PIEZO2: variants seen among roughly 807,000 people sequenced by gnomAD.
PIEZO2 encodes the protein piezo type mechanosensitive ion channel component 2, also known as piezo-type mechanosensitive ion channel component 2.
In PIEZO2, 172 loss-of-function variants were observed where a neutral mutation model predicts 337.3. The ratio of observed to expected loss-of-function variants is 0.51; its 90% CI spans 0.45 to 0.58. The LOEUF (loss-of-function observed/expected upper bound fraction) is 0.58. Among genes scored for constraint, PIEZO2 ranks in the 20% least tolerant of loss-of-function variants. The probability of loss-of-function intolerance (pLI) is 0.00; values close to 1 mark genes in which losing one functional copy is unlikely to be tolerated. For synonymous variants in PIEZO2, 1,251 were observed against 1,228.5 expected, an observed-to-expected ratio of 1.02 and a Z score of -0.38; for missense variants, 3,028 against 3,391.3, an observed-to-expected ratio of 0.89 and a Z score of 2.66.
chr18:11,099,164 G>A lies in PIEZO2; in HGVS notation c.65-32942C>T, dbSNP rs1256298936. On this transcript the variant is annotated intron_variant, in intron 1 of 55. Transcript: ENST00000674853. This position sits in a 1 kb window ranked among gnomAD's most constrained non-coding sequence, Gnocchi z 5.4. ...GAATTATTTAACCAATTCCCTGACTGGACTGACATTTCACTATTTTTTACA... is the reference window on the plus strand; with the variant it reads ...GAATTATTTAACCAATTCCCTGACTAGACTGACATTTCACTATTTTTTACA... Among the ~76,000 whole-genome samples, 4 of 152,016 alleles carry A rather than the reference G, an allele frequency of 2.6e-5. No individual in the cohort carries two copies. Among genetic ancestry groups the A allele is most frequent in the Admixed American group, 6.6e-5 (1 of 15,250 alleles).
intron 2 of PIEZO2, among the ~76,000 whole-genome samples, chr18:11,043,745 T>C (rs1449046214): frequency 6.6e-6 from 1 of 152,086 alleles, no homozygotes; most frequent in Non-Finnish European, 1.5e-5. Flanking sequence ...CCCAGGCTCA[T>C]TGCAACCTCC....
rs1298666958 is a variant in PIEZO2, at chr18:10,705,616, C to T, written c.5719G>A (p.Ala1907Thr). The T allele has an allele frequency of 1.3e-6, 2 of 1,537,186 alleles. No homozygotes were observed. Among genetic ancestry groups the T allele is most frequent in the Non-Finnish European group, 8.7e-7 (1 of 1,146,892 alleles). ...ATGGCTCCCACATCGTACCCAGTGGCCTCGTACTCCTTGGCCTCCCTGGGC... is the reference window on the plus strand; with the variant it reads ...ATGGCTCCCACATCGTACCCAGTGGTCTCGTACTCCTTGGCCTCCCTGGGC... ...PEPREAKEYE[A>T]TGYDVGAMGA... Residue 1907 changes from alanine (A) to threonine (T), a missense_variant, in exon 41 of 56, where the codon GCC (alanine) becomes ACC (threonine). Coordinates refer to ENST00000674853, the MANE Select transcript of PIEZO2 (RefSeq NM_001378183.1).
At position 10,682,276 on chromosome 18, in the gene PIEZO2, C is replaced by T. The variant is rs1465863747; in HGVS notation, c.7514G>A (p.Arg2505Gln). The T allele has an allele frequency of 1.2e-5, 19 of 1,536,104 alleles. No individual in the cohort carries two copies. The highest frequency in any genetic ancestry group is 4.9e-5 in the East Asian group (2 of 40,936). Residue 2505 changes from arginine (R) to glutamine (Q), a missense_variant, in exon 50 of 56, where the codon CGG (arginine) becomes CAG (glutamine). Physicochemically the swap from Arg to Gln is conservative, Grantham distance 43. Transcript: ENST00000674853. The surrounding 1 kb of genome is among the most constrained non-coding windows in gnomAD (Gnocchi z 5.6). ...RESEKRYPQP[R>Q]GQKKKKVVKY... ...CACCACTTTCTTCTTCTTCTGGCCC[C>T]GTGGCTGAGGGTATCTCTGCAACAG... is the stretch of plus-strand genomic sequence containing the variant.
chr18:10,823,982 T>C, intron 7 of PIEZO2, among the ~76,000 whole-genome samples: 1 of 152,214 alleles, frequency 6.6e-6, no homozygotes. Flanking sequence ...TCACTCCTCC[T>C]CTTCCTTCTT....
chr18:10,802,548 G>A (rs2039860894), intron 9 of PIEZO2, among the ~76,000 whole-genome samples: 1 of 152,178 alleles, frequency 6.6e-6, no homozygotes, highest in Non-Finnish European at 1.5e-5. Context: ...TCTATTTAAT[G>A]TCTAGCTTAA....
At position 10,797,470 on chromosome 18, in the gene PIEZO2, G is replaced by A. The variant is rs750053495; in HGVS notation, c.1431C>T (p.Ser477=). The change falls in exon 12 of 56, where the codon AGC becomes AGT. Residue 477 remains serine (S), a synonymous_variant. Coordinates refer to ENST00000674853, the MANE Select transcript of PIEZO2 (RefSeq NM_001378183.1). ...EEKEEFEEER[S]REEKRSIKVH... is the part of the protein sequence containing the mutation. The stretch of plus-strand genomic sequence containing the variant: ...CTTTGATACTTCTTTTTTCCTCACG[G>A]CTCCTTTCTTCTTCAAATTCTTCTT... 4.6e-6 allele frequency: 7 copies of A among 1,537,000 alleles called. No individual in the cohort carries two copies. The highest frequency in any genetic ancestry group is 1.7e-4 in the Middle Eastern group (1 of 5,988).
At chr18:10,900,045 G>T (rs1250654766) in intron 4 of PIEZO2, among the ~76,000 whole-genome samples, 1 of 152,088 alleles carries the variant, frequency 6.6e-6, no homozygotes, top group Non-Finnish European at 1.5e-5. Context: ...AAGAAAAATA[G>T]ATATTTTCAC....
Position 10,671,156 on chromosome 18 carries a change from C to T in PIEZO2, c.*371G>A, listed in dbSNP as rs552928037. On this transcript the variant is annotated 3_prime_UTR_variant, in exon 56 of 56. Coordinates refer to ENST00000674853, the MANE Select transcript of PIEZO2 (RefSeq NM_001378183.1). The stretch of plus-strand genomic sequence containing the variant: ...CTGTATATTGCATTGTAGCATCTCT[C>T]CAGGAAGTGCACGGGCCCCACAGAG... The T allele has an allele frequency of 5.1e-6, 1 of 197,602 alleles. No individual in the cohort carries two copies. Among genetic ancestry groups the T allele is most frequent in the South Asian group, 9.4e-5 (1 of 10,638 alleles). The allele number at this position is 197,602 out of a possible 1,614,324, so 12.2% of individuals were successfully genotyped here. A position where few individuals can be genotyped will look rare whatever the true frequency, so the allele number is the denominator to read the frequency against.
chr18:11,143,949 T>C lies in PIEZO2; in HGVS notation c.64+4576A>G, dbSNP rs897937935. 2.0e-5 allele frequency among the ~76,000 whole-genome samples: 3 copies of C among 152,222 alleles called. No homozygotes were observed. Among genetic ancestry groups the C allele is most frequent in the South Asian group, 2.1e-4 (1 of 4,828 alleles). ...TGTTAAAAGCGAAACAAAACCATAA[T>C]AGAATATGTTATTTACCATTTTACA... On this transcript the variant is annotated intron_variant, in intron 1 of 55. Coordinates refer to ENST00000674853, the MANE Select transcript of PIEZO2 (RefSeq NM_001378183.1). The surrounding 1 kb of genome is among the most constrained non-coding windows in gnomAD (Gnocchi z 4.9).
In PIEZO2 at chr18:10,783,989, G is replaced by A. The variant is rs561218017; in HGVS notation, c.2492+795C>T. ...GAGAATTTTCATCCGTGGCCTCTGT[G>A]CTCCTCTCAATACAGCCCTTTGCTC... On this transcript the variant is annotated intron_variant, in intron 17 of 55. Transcript: ENST00000674853. The surrounding 1 kb of genome is among the most constrained non-coding windows in gnomAD (Gnocchi z 4.3). Among the ~76,000 whole-genome samples the A allele has an allele frequency of 9.2e-5, 14 of 152,192 alleles. No individual in the cohort carries two copies. Among genetic ancestry groups the A allele is most frequent in the African/African-American group, 3.4e-4 (14 of 41,524 alleles).
rs1252139732 is a variant in PIEZO2 at position 10,877,822 on chromosome 18, G to A, written c.330-6407C>T. Reference sequence around the variant, plus strand: ...CCAGGAAACATCCACATTCCTAAGCGTGACAAGGGGCCCTCCACATCCCAG... The same window carrying A: ...CCAGGAAACATCCACATTCCTAAGCATGACAAGGGGCCCTCCACATCCCAG... On this transcript the variant is annotated intron_variant, in intron 4 of 55. Transcript: ENST00000674853. This position sits in a 1 kb window ranked among gnomAD's most constrained non-coding sequence, Gnocchi z 5.3. 6.6e-6 allele frequency among the ~76,000 whole-genome samples: 1 copy of A among 152,196 alleles called. No individual in the cohort carries two copies. Among genetic ancestry groups the A allele is most frequent in the South Asian group, 2.1e-4 (1 of 4,818 alleles).
chr18:10,934,701 C>T (rs1275481674), intron 3 of PIEZO2, among the ~76,000 whole-genome samples: 1 of 139,968 alleles, frequency 7.1e-6, no homozygotes, highest in African/African-American at 2.8e-5. Flanking sequence ...TTGGGCAGAG[C>T]CAAGAGCACC....
At chr18:11,044,327 G>A (rs2037228490) in intron 2 of PIEZO2, among the ~76,000 whole-genome samples, 1 of 151,962 alleles carries the variant, frequency 6.6e-6, no homozygotes, top group Non-Finnish European at 1.5e-5. Context: ...TAAAACACAA[G>A]TACAAGTTTC....
At chr18:10,684,087 TCC>T (rs2034405187) in intron 49 of PIEZO2, among the ~76,000 whole-genome samples, 1 of 56,566 alleles carries the variant, frequency 1.8e-5, no homozygotes. Flanking sequence ...TTTCCTTCCT[TCC>T]TTCCTTCTTT....
intron 1 of PIEZO2, among the ~76,000 whole-genome samples, chr18:11,088,067 C>A (rs1278529837): frequency 1.3e-5 from 2 of 152,224 alleles, no homozygotes; most frequent in Non-Finnish European, 1.5e-5. Flanking sequence ...CTCTGCTCCC[C>A]CTGGACCTTA....
At chr18:10,867,529 C>A (rs146798852) in intron 5 of PIEZO2, among the ~76,000 whole-genome samples, 35 of 152,212 alleles carry the variant, frequency 2.3e-4, no homozygotes, top group African/African-American at 8.2e-4. Flanking sequence ...TCTTTTTATC[C>A]TTCATATTTG....
At chr18:10,770,432 GA>G in intron 20 of PIEZO2, 124 bp from the exon 21 acceptor site, 2 of 937,650 alleles carry the variant, frequency 2.1e-6, no homozygotes, top group South Asian at 3.9e-5. Flanking sequence ...TGAATTCTAA[GA>G]AAACCAAAAT....
rs1489169334 is a variant in PIEZO2, at chr18:10,862,802, G to A, written c.493-5591C>T. Among the ~76,000 whole-genome samples, 1 of 152,188 alleles carries A rather than the reference G, an allele frequency of 6.6e-6. No individual in the cohort carries two copies. Among genetic ancestry groups the A allele is most frequent in the African/African-American group, 2.4e-5 (1 of 41,442 alleles). On this transcript the variant is annotated intron_variant, in intron 5 of 55. Coordinates refer to ENST00000674853, the MANE Select transcript of PIEZO2 (RefSeq NM_001378183.1). The surrounding 1 kb of genome is among the most constrained non-coding windows in gnomAD (Gnocchi z 4.4). The stretch of plus-strand genomic sequence containing the variant: ...AGAATTCAGGCCCTGGCCGACATTG[G>A]CAACCACTGATCAATGAATTCTCCA...
rs995139075 is a variant in PIEZO2 at position 10,980,116 on chromosome 18, C to T, written c.161-456G>A. On this transcript the variant is annotated intron_variant, in intron 2 of 55. Transcript: ENST00000674853. The surrounding 1 kb of genome is among the most constrained non-coding windows in gnomAD (Gnocchi z 4.8). ...AGGCTAGAAAAGAAAATTATAACCC[C>T]ATGTTACTCATAACATAGATATGAA... Among the ~76,000 whole-genome samples, 11 of 152,096 alleles carry T rather than the reference C, an allele frequency of 7.2e-5. No individual in the cohort carries two copies. In the East Asian group the frequency reaches 2.1e-3, roughly 29 times the overall value.
Sources: gnomAD v4.1 joint callset for allele counts (sites outside exome capture counted in the v4.1 genomes callset) on GRCh38, gnomAD v4.1.1 for gene constraint, Gnocchi (gnomAD v3.1) non-coding constraint, MANE v1.5 for transcripts, NCBI Gene and HGNC (gene_info 2026-07-23, HGNC 2026-07-21) for gene names.